Variants in CNTNAP2 observed in about 807,000 individuals in gnomAD.
The protein encoded by CNTNAP2 is contactin-associated protein-like 2.
A neutral mutation model predicts 155.2 loss-of-function variants in CNTNAP2; 98 were observed. The ratio of observed to expected loss-of-function variants is 0.63; its 90% CI spans 0.54 to 0.75. The LOEUF (loss-of-function observed/expected upper bound fraction) is 0.75. Among genes scored for constraint, CNTNAP2 ranks in the 30% least tolerant of loss-of-function variants. The probability of loss-of-function intolerance (pLI) is 0.00; values close to 1 mark genes in which losing one functional copy is unlikely to be tolerated. For missense variants in CNTNAP2, 1,727 were observed against 1,688.1 expected (o/e 1.02, Z -0.40); for synonymous variants, 651 against 631.2 (o/e 1.03, Z -0.47).
At chr7:148,104,108 C>T (rs1804157561) in intron 15 of CNTNAP2, among the ~76,000 whole-genome samples, 1 of 152,088 alleles carries the variant, frequency 6.6e-6, no homozygotes, top group Admixed American at 6.6e-5. Context: ...TTCATTTCCT[C>T]GTCTCTCTTT....
rs56886106 is a variant in CNTNAP2, at chr7:146,380,784, C to CTTTTTTTTTTT, written c.97+263834_97+263844dup. Among the ~76,000 whole-genome samples, 12 of 38,820 alleles carry CTTTTTTTTTTT rather than the reference C, an allele frequency of 3.1e-4. 1 individual carries two copies. The highest frequency in any genetic ancestry group is 8.6e-4 in the African/African-American group (11 of 12,770). 25.5% of individuals were successfully genotyped at this position (38,820 alleles called of 152,430 possible). On this transcript the variant is annotated intron_variant, in intron 1 of 23. Transcript: ENST00000361727. ...ATATTTCTTGCTTCTTATGCACGTTCTTTTTTTTTTTTTTTTTTTTTTTTT... is the reference window on the plus strand; with the variant it reads ...ATATTTCTTGCTTCTTATGCACGTTCTTTTTTTTTTTTTTTTTTTTTTTTTTTTTTTTTTTT...
intron 13 of CNTNAP2, among the ~76,000 whole-genome samples, chr7:147,757,562 T>C (rs1458121175): frequency 6.6e-6 from 1 of 152,144 alleles, no homozygotes; most frequent in African/African-American, 2.4e-5. Flanking sequence ...GTAAATAAAA[T>C]AAAAAACTAA....
intron 1 of CNTNAP2, among the ~76,000 whole-genome samples, chr7:146,288,414 A>T (rs547007766): frequency 1.3e-5 from 2 of 152,282 alleles, no homozygotes; most frequent in East Asian, 3.9e-4. Context: ...TATGTACAGC[A>T]GGTCTTCAAG....
intron 13 of CNTNAP2, among the ~76,000 whole-genome samples, chr7:147,779,239 T>A (rs1257907775): frequency 2.0e-5 from 3 of 152,198 alleles, no homozygotes; most frequent in Non-Finnish European, 4.4e-5. Context: ...GCTAAGCGCA[T>A]CCTCCTGGGC....
At chr7:146,259,797 A>G (rs1799893676) in intron 1 of CNTNAP2, among the ~76,000 whole-genome samples, 1 of 152,232 alleles carries the variant, frequency 6.6e-6, no homozygotes, top group African/African-American at 2.4e-5. Flanking sequence ...TGTAGAAAAG[A>G]AAAACCTATT....
intron 21 of CNTNAP2, among the ~76,000 whole-genome samples, chr7:148,353,654 C>T (rs576272147): frequency 1.0e-4 from 2 of 19,616 alleles, no homozygotes; most frequent in Non-Finnish European, 1.6e-4. Context: ...AGTGAGTTTT[C>T]ACACACACAC....
At chr7:146,728,611 CAA>C (rs35250478) in intron 1 of CNTNAP2, among the ~76,000 whole-genome samples, 12,491 of 115,114 alleles carry the variant, frequency 0.11, 1,447 homozygotes, top group African/African-American at 0.29. Context: ...TTTTAGGCTG[CAA>C]AAAAAAAAAA....
chr7:147,515,471 T>C (rs851836), intron 11 of CNTNAP2, among the ~76,000 whole-genome samples: 97,446 of 151,290 alleles, frequency 0.64, 32,236 homozygotes, highest in South Asian at 0.77. Flanking sequence ...TACAGGCTTG[T>C]GATACCATGC....
intron 11 of CNTNAP2, among the ~76,000 whole-genome samples, chr7:147,491,297 C>G (rs899061716): frequency 6.6e-6 from 1 of 151,988 alleles, no homozygotes; most frequent in African/African-American, 2.4e-5. Context: ...CACTCTCATA[C>G]CCTTGCCCCT....
chr7:147,430,761 G>A (rs1162854500), intron 10 of CNTNAP2, among the ~76,000 whole-genome samples: 3 of 152,068 alleles, frequency 2.0e-5, no homozygotes, highest in African/African-American at 4.8e-5. Context: ...ACTCAGAGTA[G>A]GTAAGATACA....
intron 1 of CNTNAP2, among the ~76,000 whole-genome samples, chr7:146,448,480 T>C (rs1302400290): frequency 3.9e-5 from 6 of 152,014 alleles, no homozygotes; most frequent in Non-Finnish European, 8.8e-5. Context: ...ACCGTTGCTC[T>C]GTTCTCATAT....
chr7:146,781,941 T>C (rs1802498698), intron 2 of CNTNAP2, among the ~76,000 whole-genome samples: 1 of 152,166 alleles, frequency 6.6e-6, no homozygotes, highest in South Asian at 2.1e-4. Flanking sequence ...TCTTCTGCTG[T>C]CTCTAGTCCG....
In CNTNAP2 at chr7:147,317,686, A is replaced by G. The variant is rs151169259; in HGVS notation, c.1498+17396A>G. ...TAGTTTTGAGTATATATAATAGATT[A>G]TAAAGATATATGAATTAGGGAGATT... On this transcript the variant is annotated intron_variant, in intron 9 of 23. Coordinates refer to ENST00000361727, the MANE Select transcript of CNTNAP2 (RefSeq NM_014141.6). Among the ~76,000 whole-genome samples the G allele has an allele frequency of 2.2e-3, 337 of 152,264 alleles. 3 individuals are homozygous for G. The highest frequency in any genetic ancestry group is 7.5e-3 in the African/African-American group (312 of 41,556).
chr7:146,234,239 T>A (rs1295694057), intron 1 of CNTNAP2, among the ~76,000 whole-genome samples: 1 of 152,206 alleles, frequency 6.6e-6, no homozygotes, highest in Non-Finnish European at 1.5e-5. Context: ...TTTTCTCATG[T>A]GTTTTTTGGC....
chr7:147,128,546 A>T, intron 6 of CNTNAP2, 147 bp from the exon 7 acceptor site: 1 of 788,988 alleles, frequency 1.3e-6, no homozygotes, highest in East Asian at 2.7e-5. Context: ...ACATAATTTA[A>T]TATGCCATAG....
intron 10 of CNTNAP2, among the ~76,000 whole-genome samples, chr7:147,476,097 AT>A (rs1305903954): frequency 2.6e-5 from 4 of 151,006 alleles, no homozygotes; most frequent in Admixed American, 1.3e-4. Flanking sequence ...TTTATTTTTT[AT>A]TTTTATTTAT....
intron 8 of CNTNAP2, among the ~76,000 whole-genome samples, chr7:147,261,392 C>A (rs1804460830): frequency 6.6e-6 from 1 of 152,120 alleles, no homozygotes; most frequent in Admixed American, 6.5e-5. Context: ...CCTCTACCCC[C>A]AGAGATTCTG....
chr7:147,997,676 G>C (rs543123244), intron 15 of CNTNAP2, among the ~76,000 whole-genome samples: 5 of 152,210 alleles, frequency 3.3e-5, no homozygotes, highest in Non-Finnish European at 7.3e-5. Context: ...TGCTCTGAGA[G>C]AGAGAGGAGT....
chr7:147,388,837 C>T (rs1215722463), intron 9 of CNTNAP2, among the ~76,000 whole-genome samples: 1 of 152,178 alleles, frequency 6.6e-6, no homozygotes, highest in Admixed American at 6.5e-5. Context: ...ACCTCAGCAT[C>T]CCAAAGTGCT....
Sources: allele counts gnomAD v4.1 joint callset (sites outside exome capture counted in the v4.1 genomes callset), GRCh38; gene constraint gnomAD v4.1.1; transcripts MANE v1.5; gene names NCBI Gene and HGNC (gene_info 2026-07-23, HGNC 2026-07-21).